ASTN2: variants seen among roughly 807,000 people sequenced by gnomAD.
ASTN2 encodes astrotactin-2.
In ASTN2, 54 loss-of-function variants were observed where a neutral mutation model predicts 139.8. That is an observed-to-expected ratio of 0.39 (90% CI 0.31 to 0.48). ASTN2 has a LOEUF of 0.48. Among genes scored for constraint, ASTN2 ranks in the 20% least tolerant of loss-of-function variants. The probability of loss-of-function intolerance (pLI) is 0.95; values close to 1 mark genes in which losing one functional copy is unlikely to be tolerated. For missense variants in ASTN2, 1,565 were observed against 1,725.1 expected, an observed-to-expected ratio of 0.91 and a Z score of 1.64; for synonymous variants, 756 against 719.5, an observed-to-expected ratio of 1.05 and a Z score of -0.81.
chr9:117,200,412 G>T (rs1042769080), intron 3 of ASTN2, among the ~76,000 whole-genome samples: 2 of 152,114 alleles, frequency 1.3e-5, no homozygotes, highest in African/African-American at 4.8e-5. Context: ...AAATAGGAGT[G>T]GTGAGAGAGG....
At chr9:116,641,608 T>A (rs1857332412) in intron 17 of ASTN2, among the ~76,000 whole-genome samples, 1 of 152,188 alleles carries the variant, frequency 6.6e-6, no homozygotes, top group Non-Finnish European at 1.5e-5. Context: ...ATTCTCTTTT[T>A]TTATTGCATG....
chr9:117,286,354 CTTTT>C (rs35094114), intron 2 of ASTN2, among the ~76,000 whole-genome samples: 1 of 135,746 alleles, frequency 7.4e-6, no homozygotes, highest in Non-Finnish European at 1.5e-5. Flanking sequence ...TTCCCACTTT[CTTTT>C]TTTTTTTTTT....
intron 3 of ASTN2, among the ~76,000 whole-genome samples, chr9:117,210,421 T>A (rs898922924): frequency 6.6e-6 from 1 of 152,076 alleles, no homozygotes; most frequent in Non-Finnish European, 1.5e-5. Flanking sequence ...TCAAAGGCTA[T>A]TATGAACAGC....
chr9:117,350,552 T>G (rs1167994499), intron 1 of ASTN2, among the ~76,000 whole-genome samples: 1 of 147,474 alleles, frequency 6.8e-6, no homozygotes, highest in East Asian at 2.0e-4. Context: ...AGACTCCATC[T>G]TAAAAAAAAA....
intron 13 of ASTN2, among the ~76,000 whole-genome samples, chr9:116,779,292 G>A (rs1003161525): frequency 6.6e-6 from 1 of 152,014 alleles, no homozygotes; most frequent in African/African-American, 2.4e-5. Context: ...AGGGGGTTTG[G>A]TCCCTTTTTT....
intron 1 of ASTN2, among the ~76,000 whole-genome samples, chr9:117,314,702 T>C (rs1025524025): frequency 3.5e-5 from 5 of 144,692 alleles, no homozygotes; most frequent in African/African-American, 1.2e-4. Context: ...GGTATATTTA[T>C]TATATTATAT....
At chr9:117,216,272 CA>C (rs1832316384) in intron 2 of ASTN2, among the ~76,000 whole-genome samples, 2 of 152,190 alleles carry the variant, frequency 1.3e-5, no homozygotes, top group Non-Finnish European at 2.9e-5. Flanking sequence ...GTTCTATTTG[CA>C]AGACCCTCAG....
At chr9:116,935,723 G>A (rs1835048384) in intron 10 of ASTN2, among the ~76,000 whole-genome samples, 1 of 152,246 alleles carries the variant, frequency 6.6e-6, no homozygotes, top group Admixed American at 6.5e-5. Flanking sequence ...TCAACTGCAA[G>A]ATAAGGAAGT....
chr9:116,818,761 A>T (rs1480443212), intron 12 of ASTN2, among the ~76,000 whole-genome samples: 1 of 152,224 alleles, frequency 6.6e-6, no homozygotes, highest in Non-Finnish European at 1.5e-5. Context: ...AAATGGTAAT[A>T]TATTTAGTCC....
chr9:117,063,501 A>T (rs1229211417), intron 5 of ASTN2, among the ~76,000 whole-genome samples: 1 of 152,146 alleles, frequency 6.6e-6, no homozygotes, highest in African/African-American at 2.4e-5. Context: ...GCAATATAAG[A>T]CGTGCCTTTC....
chr9:117,335,897 A>G (rs1339922), intron 1 of ASTN2, among the ~76,000 whole-genome samples: 65,665 of 151,880 alleles, frequency 0.43, 14,597 homozygotes, highest in East Asian at 0.55. Context: ...TCATGCTGCT[A>G]TTTGGAGAAA....
intron 1 of ASTN2, among the ~76,000 whole-genome samples, chr9:117,368,116 C>A (rs531392671): frequency 6.6e-6 from 1 of 152,066 alleles, no homozygotes; most frequent in African/African-American, 2.4e-5. Context: ...AGACTTTAAG[C>A]AGCAACTAAG....
intron 13 of ASTN2, among the ~76,000 whole-genome samples, chr9:116,738,519 G>C (rs374782396): frequency 4.4e-4 from 67 of 151,676 alleles, no homozygotes; most frequent in African/African-American, 1.5e-3. Flanking sequence ...AGTGTCTACT[G>C]TTCAGATGAA....
chr9:117,100,189 C>A (rs1029861035), intron 4 of ASTN2, among the ~76,000 whole-genome samples: 6 of 152,222 alleles, frequency 3.9e-5, no homozygotes, highest in African/African-American at 1.4e-4. Flanking sequence ...AGTGACCACA[C>A]CCCTATAACT....
intron 1 of ASTN2, among the ~76,000 whole-genome samples, chr9:117,293,452 T>C (rs1834646641): frequency 6.6e-6 from 1 of 151,386 alleles, no homozygotes; most frequent in Admixed American, 6.6e-5. Context: ...AGTAAGTTAT[T>C]AGGCCAAGCA....
chr9:117,379,715 A>C lies in ASTN2; in HGVS notation c.442+34782T>G, dbSNP rs1394032722. Among the ~76,000 whole-genome samples the C allele has an allele frequency of 3.9e-5, 6 of 152,312 alleles. No individual in the cohort carries two copies. The East Asian group carries it at 9.6e-4, about 24-fold the overall frequency. ...ATTAGAAGCACTGAGATGTATGCCA[A>C]ATTACTTAAAACGAGAGAGAAAATT... is the stretch of plus-strand genomic sequence containing the variant. On this transcript the variant is annotated intron_variant, in intron 1 of 22. Transcript: ENST00000313400.
intron 3 of ASTN2, among the ~76,000 whole-genome samples, chr9:117,168,543 C>G (rs1388150031): frequency 3.3e-5 from 5 of 152,018 alleles, no homozygotes; most frequent in Non-Finnish European, 7.4e-5. Flanking sequence ...TAATGAAAAC[C>G]AGAGCCTTTA....
intron 19 of ASTN2, among the ~76,000 whole-genome samples, chr9:116,537,358 C>G (rs372227830): frequency 2.0e-5 from 3 of 152,286 alleles, no homozygotes; most frequent in East Asian, 1.9e-4. Context: ...AATGGTGGTA[C>G]AAACAGAAAT....
intron 3 of ASTN2, among the ~76,000 whole-genome samples, chr9:117,196,834 T>A (rs7849133): frequency 0.018 from 2,702 of 152,250 alleles, 71 homozygotes; most frequent in African/African-American, 0.062. Flanking sequence ...GCACCCACTA[T>A]AATATAAGAA....
Sources: allele counts gnomAD v4.1 joint callset (sites outside exome capture counted in the v4.1 genomes callset), GRCh38; gene constraint gnomAD v4.1.1; transcripts MANE v1.5; gene names NCBI Gene and HGNC (gene_info 2026-07-23, HGNC 2026-07-21).